Variants in CEP128 observed in about 807,000 individuals in gnomAD.
CEP128 encodes the protein centrosomal protein 128.
In CEP128, 132 loss-of-function variants were observed where a neutral mutation model predicts 156.7. The ratio of observed to expected loss-of-function variants is 0.84; its 90% CI spans 0.73 to 0.97. CEP128 has a LOEUF of 0.97. CEP128 is among the 50% of genes least tolerant of loss of function. The pLI is 0.00. For missense variants in CEP128, 1,252 were observed against 1,281.9 expected, an observed-to-expected ratio of 0.98 and a Z score of 0.36; for synonymous variants, 469 against 448.9, an observed-to-expected ratio of 1.04 and a Z score of -0.57.
intron 19 of CEP128, among the ~76,000 whole-genome samples, chr14:80,651,408 C>G (rs1329447411): frequency 6.6e-6 from 1 of 152,058 alleles, no homozygotes; most frequent in African/African-American, 2.4e-5. Context: ...TTCCATGTCT[C>G]TATCTCCTTC....
chr14:80,620,592 A>G (rs1350772583), intron 19 of CEP128, among the ~76,000 whole-genome samples: 2 of 152,242 alleles, frequency 1.3e-5, no homozygotes, highest in Non-Finnish European at 2.9e-5. Flanking sequence ...TCAAGTGTTA[A>G]TAAAACTCAA....
intron 19 of CEP128, among the ~76,000 whole-genome samples, chr14:80,599,688 G>A (rs1892500971): frequency 6.6e-6 from 1 of 151,920 alleles, no homozygotes; most frequent in South Asian, 2.1e-4. Flanking sequence ...GGTCATACTA[G>A]AAAGCCCCGA....
At chr14:80,629,831 G>A (rs1893890003) in intron 19 of CEP128, among the ~76,000 whole-genome samples, 1 of 151,798 alleles carries the variant, frequency 6.6e-6, no homozygotes, top group Non-Finnish European at 1.5e-5. Context: ...TATAGTCCTA[G>A]GAATAACATG....
chr14:80,673,736 C>T (rs1180439927), intron 19 of CEP128, among the ~76,000 whole-genome samples: 2 of 148,286 alleles, frequency 1.3e-5, no homozygotes, highest in Non-Finnish European at 3.0e-5. Flanking sequence ...TAATCCTGGT[C>T]TACCTTTGGT....
intron 14 of CEP128, among the ~76,000 whole-genome samples, chr14:80,483,050 G>C (rs1015262308): frequency 6.6e-6 from 1 of 152,116 alleles, no homozygotes; most frequent in South Asian, 2.1e-4. Flanking sequence ...TATCCTATAG[G>C]GGGTGAAGCA....
intron 2 of CEP128, among the ~76,000 whole-genome samples, chr14:80,919,622 G>A (rs571258344): frequency 1.1e-3 from 170 of 152,082 alleles, no homozygotes; most frequent in Non-Finnish European, 2.1e-3. Context: ...ACACTGCACT[G>A]AATTGATAAA....
At chr14:80,678,009 A>C (rs937092268) in intron 19 of CEP128, among the ~76,000 whole-genome samples, 1 of 143,234 alleles carries the variant, frequency 7.0e-6, no homozygotes, top group Admixed American at 6.9e-5. Flanking sequence ...TTCCTATCCA[A>C]CCTCTACTTT....
intron 13 of CEP128, 23 bp from the exon 14 acceptor site, chr14:80,793,133 A>G: frequency 1.9e-6 from 3 of 1,577,560 alleles, no homozygotes; most frequent in Non-Finnish European, 2.6e-6. Flanking sequence ...CATGCAAAAC[A>G]TTAGGAACAA....
intron 19 of CEP128, among the ~76,000 whole-genome samples, chr14:80,724,216 C>G (rs1441843054): frequency 6.6e-6 from 1 of 152,144 alleles, no homozygotes; most frequent in African/African-American, 2.4e-5. Context: ...TTTGGTATTA[C>G]TGGATCCAAA....
At position 80,936,565 on chromosome 14, in the gene CEP128, C is replaced by T. The variant is rs140649513; in HGVS notation, c.-16+2820G>A. ...GTGTGCATATCCGATAAAGGCCTGA[C>T]AAGTCTCTGAGTCATTCATAATTAG... On this transcript the variant is annotated intron_variant, in intron 2 of 24. Transcript: ENST00000555265. Among the ~76,000 whole-genome samples the T allele has an allele frequency of 8.4e-3, 1,277 of 152,278 alleles. 13 individuals carry two copies. Among genetic ancestry groups the T allele is most frequent in the Non-Finnish European group, 0.01 (689 of 68,014 alleles).
At chr14:80,877,391 T>C (rs186533608) in intron 8 of CEP128, among the ~76,000 whole-genome samples, 2 of 152,280 alleles carry the variant, frequency 1.3e-5, no homozygotes, top group East Asian at 3.9e-4. Context: ...TAAAAAAATA[T>C]TTAATGATAC....
intron 19 of CEP128, among the ~76,000 whole-genome samples, chr14:80,584,607 C>T (rs779290383): frequency 6.6e-6 from 1 of 152,146 alleles, no homozygotes; most frequent in Non-Finnish European, 1.5e-5. Context: ...ATGATGAACA[C>T]GGTTATTAAC....
At chr14:80,872,485 T>C (rs1888077047) in intron 8 of CEP128, among the ~76,000 whole-genome samples, 1 of 152,160 alleles carries the variant, frequency 6.6e-6, no homozygotes, top group African/African-American at 2.4e-5. Flanking sequence ...TATATTTTAG[T>C]CACTGAGAAA....
intron 13 of CEP128, among the ~76,000 whole-genome samples, chr14:80,812,061 C>T (rs1460582709): frequency 6.6e-6 from 1 of 152,168 alleles, no homozygotes; most frequent in Non-Finnish European, 1.5e-5. Context: ...TCACCCTCCA[C>T]CCTCCAGTAG....
intron 8 of CEP128, among the ~76,000 whole-genome samples, chr14:80,864,565 T>C (rs946326552): frequency 1.3e-5 from 2 of 152,140 alleles, no homozygotes; most frequent in South Asian, 2.1e-4. Flanking sequence ...TTCTCAATTT[T>C]TTTTTTTTTT....
At position 80,877,059 on chromosome 14, in the gene CEP128, G is replaced by C. The variant is rs145965696; in HGVS notation, c.646-14186C>G. On this transcript the variant is annotated intron_variant, in intron 8 of 24. Transcript: ENST00000555265. ...AGTGAAAAGCGGGGTTTATGGAGTT[G>C]AGGTGCTATAAGATCTTTGCATTTT... 2.0e-5 allele frequency among the ~76,000 whole-genome samples: 3 copies of C among 152,258 alleles called. No individual in the cohort carries two copies. The East Asian group carries it at 5.8e-4, about 29-fold the overall frequency.
intron 8 of CEP128, among the ~76,000 whole-genome samples, chr14:80,864,250 T>C (rs1887660308): frequency 2.0e-5 from 3 of 152,192 alleles, no homozygotes; most frequent in Non-Finnish European, 4.4e-5. Flanking sequence ...AGTAGGCTAT[T>C]AGTAGTGAAG....
At chr14:80,612,555 T>C (rs1000189718) in intron 19 of CEP128, among the ~76,000 whole-genome samples, 1 of 152,196 alleles carries the variant, frequency 6.6e-6, no homozygotes, top group Non-Finnish European at 1.5e-5. Context: ...TAACAAAGGA[T>C]AATCACATTA....
chr14:80,638,228 C>T (rs1595131591), intron 19 of CEP128, among the ~76,000 whole-genome samples: 2 of 152,152 alleles, frequency 1.3e-5, no homozygotes, highest in Non-Finnish European at 2.9e-5. Flanking sequence ...TCGTATAGTT[C>T]CTCCAAGTGT....
Sources: allele counts gnomAD v4.1 joint callset (sites outside exome capture counted in the v4.1 genomes callset), GRCh38; gene constraint gnomAD v4.1.1; transcripts MANE v1.5; gene names NCBI Gene and HGNC (gene_info 2026-07-23, HGNC 2026-07-21).